AOX1: variants seen among roughly 807,000 people sequenced by gnomAD.
The protein encoded by AOX1 is aldehyde oxidase.
Under a neutral mutation model 169.5 loss-of-function variants are expected in AOX1, and 153 were observed. The ratio of observed to expected loss-of-function variants is 0.90; its 90% CI spans 0.79 to 1.03. The LOEUF (loss-of-function observed/expected upper bound fraction) is 1.03. AOX1 is among the 50% of genes least tolerant of loss of function. AOX1 has a pLI of 0.00. For synonymous variants in AOX1, 562 were observed against 581.9 expected (o/e 0.97, Z 0.49); for missense variants, 1,656 against 1,663.9 (o/e 1.00, Z 0.08).
chr2:200,608,073 A>G (rs774202499), intron 10 of AOX1, among the ~76,000 whole-genome samples: 5 of 152,196 alleles, frequency 3.3e-5, no homozygotes, highest in Non-Finnish European at 7.3e-5. Context: ...ACCATAGCAC[A>G]TGTATACCTA....
At chr2:200,620,933 C>A in intron 17 of AOX1, 114 bp downstream of exon 17, 5 of 1,326,406 alleles carry the variant, frequency 3.8e-6, no homozygotes, top group Admixed American at 2.4e-5. Context: ...ATATCCAATG[C>A]AGACCAGAGG....
At chr2:200,609,702 G>A (rs1434139600) in intron 12 of AOX1, among the ~76,000 whole-genome samples, 2 of 152,070 alleles carry the variant, frequency 1.3e-5, no homozygotes, top group Non-Finnish European at 2.9e-5. Flanking sequence ...GATTATTGCT[G>A]GGAACTACAT....
intron 10 of AOX1, among the ~76,000 whole-genome samples, chr2:200,608,656 T>C (rs750516049): frequency 4.6e-5 from 7 of 152,148 alleles, no homozygotes; most frequent in Non-Finnish European, 1.0e-4. Context: ...TAATACTCAA[T>C]AGAGTGAGTG....
chr2:200,657,190 A>ATATATTTTTTT, intron 27 of AOX1, among the ~76,000 whole-genome samples: 13 of 62,874 alleles, frequency 2.1e-4, no homozygotes, highest in African/African-American at 9.5e-4. Context: ...ATATATATAT[A>ATATATTTTTTT]TTTTTTTTTT....
At position 200,621,244 on chromosome 2, in the gene AOX1, A is replaced by T; in HGVS notation, c.1999A>T (p.Lys667Ter). ...AGCTGAGAAATTTCTGGCGACAGATAAGGTACTGCATTTTTGCTTTCTATT... is the reference window on the plus strand; with the variant it reads ...AGCTGAGAAATTTCTGGCGACAGATTAGGTACTGCATTTTTGCTTTCTATT... Reference protein sequence around the residue: ...TEAEKFLATDKVFCVGQLVCA... With the variant: ...TEAEKFLATD The change falls in exon 18 of 35, where the codon AAG becomes TAG. Residue 667 changes from lysine to a stop codon, truncating the protein, a stop_gained and splice_region_variant. Coordinates refer to ENST00000374700, the MANE Select transcript of AOX1 (RefSeq NM_001159.4). LOFTEE classifies it high-confidence loss of function. 6.2e-7 allele frequency: 1 copy of T among 1,613,050 alleles called. No individual in the cohort carries two copies. Among genetic ancestry groups the T allele is most frequent in the Non-Finnish European group, 8.5e-7 (1 of 1,179,754 alleles).
At chr2:200,612,820 C>A (rs2034669096) in intron 14 of AOX1, 27 bp downstream of exon 14, 1 of 1,591,646 alleles carries the variant, frequency 6.3e-7, no homozygotes, top group Non-Finnish European at 8.6e-7. Flanking sequence ...AAGGGCTCCT[C>A]TAATACTTGT....
At chr2:200,594,790 T>G (rs1483370548) in intron 2 of AOX1, among the ~76,000 whole-genome samples, 1 of 152,212 alleles carries the variant, frequency 6.6e-6, no homozygotes, top group African/African-American at 2.4e-5. Flanking sequence ...TAAGGAATTA[T>G]GAGAGAACAG....
chr2:200,622,631 A>G (rs1471054515), intron 18 of AOX1, among the ~76,000 whole-genome samples: 1 of 152,206 alleles, frequency 6.6e-6, no homozygotes. Flanking sequence ...AATGTTTACT[A>G]AACAAGTGAA....
rs2105768527 is a variant in AOX1, at chr2:200,660,070, G to A, written c.3375+1G>A. ...TCCTAAAGGAACTTGGAAAGACTGG[G>A]TGAGAATCAATGGTTCTCTGTATTT... is the stretch of plus-strand genomic sequence containing the variant. On this transcript the variant is annotated splice_donor_variant, in intron 29 of 34. Transcript: ENST00000374700. LOFTEE classifies it high-confidence loss of function. 1.2e-6 allele frequency: 2 copies of A among 1,612,404 alleles called. 1 individual carries two copies. The highest frequency in any genetic ancestry group is 2.2e-5 in the South Asian group (2 of 91,050).
intron 27 of AOX1, 79 bp downstream of exon 27, chr2:200,657,016 T>C (rs2035701949): frequency 2.1e-6 from 2 of 968,694 alleles, no homozygotes; most frequent in South Asian, 2.9e-5. Flanking sequence ...GAATGGATAT[T>C]TTCTGTTACA....
intron 29 of AOX1, 87 bp downstream of exon 29, chr2:200,660,156 T>A: frequency 1.8e-6 from 2 of 1,120,650 alleles, no homozygotes; most frequent in South Asian, 1.3e-5. Context: ...TTGAAATCTG[T>A]AGAAAGGGCA....
At chr2:200,672,488 T>C (rs1386901783), downstream of AOX1, among the ~76,000 whole-genome samples, 1 of 152,190 alleles carries the variant, frequency 6.6e-6, no homozygotes, top group Non-Finnish European at 1.5e-5. Context: ...CATGGATCTC[T>C]GCCTTTAAGA....
chr2:200,614,640 C>G (rs146024098), intron 15 of AOX1, among the ~76,000 whole-genome samples: 5 of 152,352 alleles, frequency 3.3e-5, no homozygotes, highest in African/African-American at 1.2e-4. Context: ...ATTGGCCTCA[C>G]AAACCCCATG....
intron 31 of AOX1, among the ~76,000 whole-genome samples, chr2:200,664,332 C>T (rs1310840002): frequency 6.6e-6 from 1 of 152,214 alleles, no homozygotes; most frequent in Non-Finnish European, 1.5e-5. Context: ...CCATGTTGCC[C>T]AGGCTGGTCT....
chr2:200,597,517 C>T lies in AOX1; in HGVS notation c.309+12C>T. The T allele has an allele frequency of 6.3e-7, 1 of 1,581,302 alleles. No individual in the cohort carries two copies. The highest frequency in any genetic ancestry group is 1.1e-5 in the South Asian group (1 of 88,714). ...TTCATCCTGTTCAGGTGAGGATGTG[C>T]CTCTTCCTTATAGGCTTTCTGTGCT... On this transcript the variant is annotated intron_variant, in intron 4 of 34. Coordinates refer to ENST00000374700, the MANE Select transcript of AOX1 (RefSeq NM_001159.4).
intron 5 of AOX1, among the ~76,000 whole-genome samples, chr2:200,601,369 G>A (rs1363785081): frequency 1.3e-5 from 2 of 152,120 alleles, no homozygotes; most frequent in African/African-American, 2.4e-5. Flanking sequence ...AAAGGAGTAA[G>A]TCCTAGAGAT....
rs149839944 is a variant in AOX1, at chr2:200,636,964, A to G, written c.2400A>G (p.Val800=). The part of the protein sequence containing the change: ...KLPANKVMCH[V]RRVGGAFGGK... ...CAGCTAACAAGGTCATGTGCCATGTAAGGCGTGTTGGTGGAGCGTTTGGAG... is the reference window on the plus strand; with the variant it reads ...CAGCTAACAAGGTCATGTGCCATGTGAGGCGTGTTGGTGGAGCGTTTGGAG... Residue 800 remains valine, a synonymous_variant, in exon 22 of 35, where the codon GTA becomes GTG. Transcript: ENST00000374700. 4,080 of 1,614,114 alleles carry G rather than the reference A, an allele frequency of 2.5e-3. 10 individuals carry two copies. Among genetic ancestry groups the G allele is most frequent in the Non-Finnish European group, 3.0e-3 (3,596 of 1,179,984 alleles).
chr2:200,606,813 G>A (rs2034526825), intron 10 of AOX1, among the ~76,000 whole-genome samples: 1 of 152,134 alleles, frequency 6.6e-6, no homozygotes, highest in Non-Finnish European at 1.5e-5. Context: ...GAATGCTTGT[G>A]ATTTTTGCAC....
intron 31 of AOX1, 105 bp downstream of exon 31, chr2:200,663,074 T>C: frequency 1.2e-6 from 1 of 846,734 alleles, no homozygotes; most frequent in Admixed American, 2.0e-5. Context: ...CATCGTGCAT[T>C]TGGCCTAAGG....
Sources: gnomAD v4.1 joint callset for allele counts (sites outside exome capture counted in the v4.1 genomes callset) on GRCh38, gnomAD v4.1.1 for gene constraint, MANE v1.5 for transcripts, NCBI Gene and HGNC (gene_info 2026-07-23, HGNC 2026-07-21) for gene names.